DPP6: variants seen among roughly 807,000 people sequenced by gnomAD.
The protein encoded by DPP6 is dipeptidyl peptidase like 6.
A neutral mutation model predicts 122.6 loss-of-function variants in DPP6; 69 were observed. The ratio of observed to expected loss-of-function variants is 0.56; its 90% CI spans 0.46 to 0.69. DPP6 has a LOEUF of 0.69. DPP6 is among the 30% of genes least tolerant of loss of function. The pLI is 0.00. For missense variants in DPP6, 928 were observed against 1,116.9 expected, an observed-to-expected ratio of 0.83 and a Z score of 2.41; for synonymous variants, 418 against 433.1, an observed-to-expected ratio of 0.97 and a Z score of 0.43.
chr7:153,934,135 A>G (rs1025628354), intron 1 of DPP6, among the ~76,000 whole-genome samples: 2 of 152,122 alleles, frequency 1.3e-5, no homozygotes, highest in Admixed American at 6.5e-5. Flanking sequence ...ACCATCCCTG[A>G]AGTGTGAGGG....
chr7:153,896,714 G>A (rs1563215001), intron 1 of DPP6, among the ~76,000 whole-genome samples: 1 of 152,196 alleles, frequency 6.6e-6, no homozygotes, highest in Non-Finnish European at 1.5e-5. Flanking sequence ...TGAGGAGGCT[G>A]AGGCAGGAGG....
chr7:154,574,802 TTG>T (rs1246680290), intron 5 of DPP6, among the ~76,000 whole-genome samples: 1 of 128,518 alleles, frequency 7.8e-6, no homozygotes, highest in Non-Finnish European at 1.7e-5. Flanking sequence ...TGGTGTGTGT[TTG>T]TGTGTGTGAT....
chr7:154,314,232 G>T (rs1807229334), intron 1 of DPP6, among the ~76,000 whole-genome samples: 1 of 152,162 alleles, frequency 6.6e-6, no homozygotes, highest in Admixed American at 6.5e-5. Context: ...TCTATGAAAT[G>T]GGGATGATTC....
At chr7:154,209,669 AT>A (rs1362360224) in intron 1 of DPP6, among the ~76,000 whole-genome samples, 3 of 152,202 alleles carry the variant, frequency 2.0e-5, no homozygotes, top group Admixed American at 2.0e-4. Flanking sequence ...GCAAACCACC[AT>A]GAATTATCAT....
At chr7:153,759,200 GAC>G in the DPP6 span, among the ~76,000 whole-genome samples, 57 of 151,928 alleles carry the variant, frequency 3.8e-4, no homozygotes, top group Non-Finnish European at 7.6e-4. Flanking sequence ...GAAAATCCCT[GAC>G]ATATTTTTGA....
intron 3 of DPP6, among the ~76,000 whole-genome samples, chr7:154,492,820 T>G (rs555552413): frequency 2.6e-4 from 40 of 152,336 alleles, no homozygotes; most frequent in African/African-American, 8.9e-4. Context: ...AAGCTCTTGT[T>G]CTTCCTGTTT....
intron 3 of DPP6, among the ~76,000 whole-genome samples, chr7:154,510,699 A>C (rs999200831): frequency 2.6e-5 from 4 of 151,964 alleles, no homozygotes; most frequent in Non-Finnish European, 5.9e-5. Flanking sequence ...TGTCTCAAAA[A>C]AAAAAAAAAT....
the DPP6 span, among the ~76,000 whole-genome samples, chr7:153,856,293 T>A: frequency 6.6e-6 from 1 of 152,200 alleles, no homozygotes; most frequent in Non-Finnish European, 1.5e-5. Flanking sequence ...AGGTCACTGG[T>A]CTTACCAAAA....
chr7:154,706,839 G>A (rs999238763), intron 7 of DPP6, among the ~76,000 whole-genome samples: 4 of 152,220 alleles, frequency 2.6e-5, no homozygotes, highest in African/African-American at 7.2e-5. Flanking sequence ...CTCTGGGTGG[G>A]TGACTCTGAA....
At chr7:154,844,824 T>C (rs1801822917) in intron 16 of DPP6, among the ~76,000 whole-genome samples, 1 of 152,254 alleles carries the variant, frequency 6.6e-6, no homozygotes, top group Admixed American at 6.5e-5. Flanking sequence ...TCCTTAAATG[T>C]AATTTTATTC....
At chr7:154,783,051 T>G (rs1797124014) in intron 10 of DPP6, among the ~76,000 whole-genome samples, 1 of 152,192 alleles carries the variant, frequency 6.6e-6, no homozygotes, top group Non-Finnish European at 1.5e-5. Flanking sequence ...CCCAAAGTGC[T>G]GGGACATGCG....
intron 7 of DPP6, among the ~76,000 whole-genome samples, chr7:154,692,883 C>A (rs1346171835): frequency 6.6e-6 from 1 of 151,446 alleles, no homozygotes; most frequent in African/African-American, 2.4e-5. Context: ...CTGACCTCAA[C>A]CTCAAGCAGG....
At chr7:153,875,292 G>A in the DPP6 span, among the ~76,000 whole-genome samples, 1 of 151,950 alleles carries the variant, frequency 6.6e-6, no homozygotes, top group Non-Finnish European at 1.5e-5. Context: ...AAAAATATAA[G>A]GACATTTTTT....
intron 1 of DPP6, among the ~76,000 whole-genome samples, chr7:154,252,187 T>C (rs1444702519): frequency 6.6e-6 from 1 of 151,658 alleles, no homozygotes; most frequent in Non-Finnish European, 1.5e-5. Flanking sequence ...TTCAGCTAAA[T>C]TGAAAATCAT....
intron 1 of DPP6, among the ~76,000 whole-genome samples, chr7:154,202,910 G>A (rs535039778): frequency 7.6e-4 from 115 of 152,308 alleles, no homozygotes; most frequent in African/African-American, 2.7e-3. Flanking sequence ...GCACAGGCAT[G>A]CATACATACA....
chr7:154,554,237 A>G (rs976124317), intron 4 of DPP6, among the ~76,000 whole-genome samples: 2 of 152,318 alleles, frequency 1.3e-5, no homozygotes, highest in African/African-American at 4.8e-5. Context: ...GGAGAATACA[A>G]TCATCTATTT....
chr7:154,018,216 T>A (rs1389731633), intron 1 of DPP6, among the ~76,000 whole-genome samples: 2 of 151,798 alleles, frequency 1.3e-5, no homozygotes, highest in Admixed American at 6.6e-5. Context: ...TTGCTTTCTT[T>A]GGAATTGATC....
At chr7:154,379,810 C>T (rs1320824964) in intron 1 of DPP6, among the ~76,000 whole-genome samples, 1 of 152,164 alleles carries the variant, frequency 6.6e-6, no homozygotes, top group African/African-American at 2.4e-5. Flanking sequence ...GTGGACACAA[C>T]TTAAGCCAAT....
chr7:153,858,543 C>G, the DPP6 span, among the ~76,000 whole-genome samples: 1 of 152,178 alleles, frequency 6.6e-6, no homozygotes, highest in Non-Finnish European at 1.5e-5. Flanking sequence ...CTAGATCACA[C>G]ACAAGGCTGT....
Sources: allele counts gnomAD v4.1 joint callset (sites outside exome capture counted in the v4.1 genomes callset), GRCh38; gene constraint gnomAD v4.1.1; transcripts MANE v1.5; gene names NCBI Gene and HGNC (gene_info 2026-07-23, HGNC 2026-07-21).